The following ZEB1 variants were observed in gnomAD, a reference collection of about 807,000 sequenced individuals.
ZEB1 encodes zinc finger E-box binding homeobox 1, also known as zinc finger E-box-binding homeobox 1.
Under a neutral mutation model 84.9 loss-of-function variants are expected in ZEB1, and 21 were observed. The observed-to-expected ratio is 0.25, with a 90% CI of 0.18 to 0.36. The LOEUF is 0.36. ZEB1 is among the 10% of genes least tolerant of loss of function. The pLI, the probability that ZEB1 is intolerant of heterozygous loss-of-function variation, is 1.00. For synonymous variants in ZEB1, 420 were observed against 471.1 expected (o/e 0.89, Z 1.41); for missense variants, 1,104 against 1,330.2 (o/e 0.83, Z 2.65).
intron 1 of ZEB1, among the ~76,000 whole-genome samples, chr10:31,449,112 A>C (rs223527): frequency 6.9e-6 from 1 of 145,588 alleles, no homozygotes; most frequent in African/African-American, 2.4e-5. Context: ...ATATAGTCTC[A>C]TGGTGCGCCA....
At chr10:31,345,426 C>T (rs750805228) in intron 1 of ZEB1, among the ~76,000 whole-genome samples, 5 of 151,954 alleles carry the variant, frequency 3.3e-5, no homozygotes, top group Non-Finnish European at 5.9e-5. Context: ...TCATTTTGTT[C>T]TGTAGGTTTG....
chr10:31,374,568 A>G (rs1423607850), intron 1 of ZEB1, among the ~76,000 whole-genome samples: 1 of 151,780 alleles, frequency 6.6e-6, no homozygotes, highest in African/African-American at 2.4e-5. Context: ...ATAATTACAC[A>G]CTGCAACTGG....
intron 1 of ZEB1, chr10:31,362,746 T>G (rs1590319058): frequency 1.7e-6 from 1 of 584,666 alleles, no homozygotes; most frequent in Non-Finnish European, 3.1e-6. Context: ...GCTCCTCAGG[T>G]CTCAATCTCT....
chr10:31,433,554 G>T (rs143685078), intron 1 of ZEB1, among the ~76,000 whole-genome samples: 18 of 152,104 alleles, frequency 1.2e-4, no homozygotes, highest in Admixed American at 2.6e-4. Flanking sequence ...CAGCTACTTC[G>T]GTAGCAACTT....
At position 31,397,668 on chromosome 10, in the gene ZEB1, T is replaced by G. The variant is rs989338279; in HGVS notation, c.59-63369T>G. On this transcript the variant is annotated intron_variant, in intron 1 of 8. Transcript: ENST00000424869. ...AATCCAGCCCTCAAACCTATTTTTG[T>G]ATGGCCTATGACCTAAGAATTGTTT... Among the ~76,000 whole-genome samples the G allele has an allele frequency of 6.6e-5, 10 of 152,280 alleles. No homozygotes were observed. In the East Asian group the frequency reaches 1.7e-3, roughly 26 times the overall value.
chr10:31,418,031 G>A (rs1164303119), intron 1 of ZEB1, among the ~76,000 whole-genome samples: 1 of 151,978 alleles, frequency 6.6e-6, no homozygotes, highest in African/African-American at 2.4e-5. Flanking sequence ...AGCAGCCTCT[G>A]CACCAAGGAG....
intron 1 of ZEB1, among the ~76,000 whole-genome samples, chr10:31,364,418 A>T (rs1405073645): frequency 2.0e-5 from 3 of 152,164 alleles, no homozygotes; most frequent in African/African-American, 7.2e-5. Flanking sequence ...GCTAGCACCC[A>T]GTGGCCCTGT....
chr10:31,526,509 C>A (rs1034337674), intron 8 of ZEB1, among the ~76,000 whole-genome samples, 163 bp from the exon 9 acceptor site: 4 of 152,024 alleles, frequency 2.6e-5, no homozygotes, highest in Non-Finnish European at 5.9e-5. Context: ...AAAGAACAAA[C>A]CAAATTGCAA....
At chr10:31,388,446 G>T (rs867138334) in intron 1 of ZEB1, among the ~76,000 whole-genome samples, 1 of 151,986 alleles carries the variant, frequency 6.6e-6, no homozygotes, top group Non-Finnish European at 1.5e-5. Flanking sequence ...CAAAACCGTT[G>T]TTCTTCCTAT....
At chr10:31,419,756 A>G (rs1052266546) in intron 1 of ZEB1, among the ~76,000 whole-genome samples, 2 of 152,200 alleles carry the variant, frequency 1.3e-5, no homozygotes, top group African/African-American at 4.8e-5. Context: ...GGGTGAAAAC[A>G]AAGCATTTAT....
At chr10:31,412,162 A>G (rs1160697362) in intron 1 of ZEB1, among the ~76,000 whole-genome samples, 1 of 152,220 alleles carries the variant, frequency 6.6e-6, no homozygotes, top group African/African-American at 2.4e-5. Flanking sequence ...TTACACATAT[A>G]ATAGAGAACT....
chr10:31,495,785 A>G lies in ZEB1; in HGVS notation c.269A>G (p.Glu90Gly), dbSNP rs2067140798. ...KNCWEDDTGK[E>G]GQEILGPEAQ... ...TCTTCTTTGATTTCAGCAGGAAAGG[A>G]AGGGCAAGAAATCCTGGGGCCTGAA... The change falls in exon 3 of 9, where the codon GAA becomes GGA. Residue 90 changes from glutamate (E) to glycine (G), a missense_variant. This residue lies in a region of ZEB1 where 162 missense variants were observed against 184.5 expected (regional missense o/e 0.88). Transcript: ENST00000424869. The G allele has an allele frequency of 1.2e-6, 2 of 1,612,786 alleles. No homozygotes were observed. The highest frequency in any genetic ancestry group is 1.7e-6 in the Non-Finnish European group (2 of 1,179,106).
At chr10:31,477,000 C>G (rs2064305922) in intron 2 of ZEB1, among the ~76,000 whole-genome samples, 1 of 151,988 alleles carries the variant, frequency 6.6e-6, no homozygotes, top group African/African-American at 2.4e-5. Flanking sequence ...AGAACTGGAA[C>G]AAGACAAGGA....
chr10:31,495,982 T>C (rs2067174806), intron 3 of ZEB1, 144 bp downstream of exon 3: 1 of 817,224 alleles, frequency 1.2e-6, no homozygotes, highest in Non-Finnish European at 2.1e-6. Context: ...CTTAGGCATA[T>C]GGTGCACTAC....
chr10:31,397,864 A>G (rs78201970), intron 1 of ZEB1, among the ~76,000 whole-genome samples: 1,603 of 152,236 alleles, frequency 0.011, 28 homozygotes, highest in African/African-American at 0.037. Context: ...AAGTTCTCCT[A>G]GATGCATGTG....
At chr10:31,519,251 A>G (rs1403384242) in intron 6 of ZEB1, among the ~76,000 whole-genome samples, 1 of 152,184 alleles carries the variant, frequency 6.6e-6, no homozygotes. Flanking sequence ...CTCAAAGGAA[A>G]CATTAGGTTT....
At chr10:31,458,857 C>T (rs539971498) in intron 1 of ZEB1, among the ~76,000 whole-genome samples, 2 of 151,920 alleles carry the variant, frequency 1.3e-5, no homozygotes, top group Non-Finnish European at 2.9e-5. Context: ...GTGTAGCTAT[C>T]CAGAGGGAAA....
At position 31,521,102 on chromosome 10, in the gene ZEB1, A is replaced by G. The variant is rs1312637078; in HGVS notation, c.1770A>G (p.Leu590=). Residue 590 remains leucine, a synonymous_variant, in exon 7 of 9, where the codon TTA becomes TTG. Coordinates refer to ENST00000424869, the MANE Select transcript of ZEB1 (RefSeq NM_001174096.2). ...DGNLSPSQPP[L]KNLLSLLKAY... is the part of the protein sequence containing the mutation. ...ATTTGTCTCCTAGTCAGCCACCTTT[A>G]AAGAACCTCTTGTCTCTCCTAAAAG... 5 of 1,614,000 alleles carry G rather than the reference A, an allele frequency of 3.1e-6. No homozygotes were observed. Among genetic ancestry groups the G allele is most frequent in the Admixed American group, 3.3e-5 (2 of 59,994 alleles).
At chr10:31,510,277 T>C (rs2139489865) in intron 4 of ZEB1, among the ~76,000 whole-genome samples, 1 of 152,318 alleles carries the variant, frequency 6.6e-6, no homozygotes, top group South Asian at 2.1e-4. Flanking sequence ...ATAGACTCTG[T>C]TGTAGAGCAC....
Sources: gnomAD v4.1 joint callset for allele counts (sites outside exome capture counted in the v4.1 genomes callset) on GRCh38, gnomAD v4.1.1 for gene constraint, gnomAD v4.1.1 regional missense constraint, MANE v1.5 for transcripts, NCBI Gene and HGNC (gene_info 2026-07-23, HGNC 2026-07-21) for gene names.